The following INPP4A variants were observed in gnomAD, a reference collection of about 807,000 sequenced individuals.
INPP4A encodes inositol polyphosphate-4-phosphatase type I A, also known as inositol polyphosphate-4-phosphatase, type I, 107kD.
Under a neutral mutation model 119.8 loss-of-function variants are expected in INPP4A, and 33 were observed. The observed-to-expected ratio is 0.28, with a 90% confidence interval of 0.21 to 0.37. INPP4A has a LOEUF of 0.37. Among genes scored for constraint, INPP4A ranks in the 10% least tolerant of loss-of-function variants. The pLI is 1.00. For missense variants in INPP4A, 956 were observed against 1,289.9 expected, an observed-to-expected ratio of 0.74 and a Z score of 3.97; for synonymous variants, 496 against 500.7, an observed-to-expected ratio of 0.99 and a Z score of 0.12.
At chr2:98,534,744 G>A (rs1216124505) in intron 5 of INPP4A, among the ~76,000 whole-genome samples, 1 of 152,190 alleles carries the variant, frequency 6.6e-6, no homozygotes, top group Non-Finnish European at 1.5e-5. Flanking sequence ...GTGCAGGGGA[G>A]TCACCTGACC....
chr2:98,483,032 C>A (rs555440141), intron 1 of INPP4A, among the ~76,000 whole-genome samples: 2 of 152,320 alleles, frequency 1.3e-5, no homozygotes, highest in South Asian at 4.1e-4. Context: ...CTAACCACTT[C>A]TGGTGTCAAG....
chr2:98,476,539 G>A (rs997067157), intron 1 of INPP4A, among the ~76,000 whole-genome samples: 6 of 152,180 alleles, frequency 3.9e-5, no homozygotes, highest in African/African-American at 1.4e-4. Context: ...TCTCAGCTGG[G>A]GTGCTGGGAC....
rs112608558 is a variant in INPP4A at position 98,507,261 on chromosome 2, T to G, written c.-165-11703T>G. ...TAAAGGAATATAAACCCGAGTTCAT[T>G]TGTGTTGGGGTTTGCTTGTGTTAAT... On this transcript the variant is annotated intron_variant, in intron 1 of 24. Coordinates refer to ENST00000409851, the MANE Select transcript of INPP4A (RefSeq NM_001134225.2). Among the ~76,000 whole-genome samples the G allele has an allele frequency of 3.8e-3, 573 of 152,304 alleles. 7 individuals carry two copies. Among genetic ancestry groups the G allele is most frequent in the African/African-American group, 0.013 (554 of 41,560 alleles).
At chr2:98,497,981 C>T (rs1383434688) in intron 1 of INPP4A, among the ~76,000 whole-genome samples, 1 of 152,218 alleles carries the variant, frequency 6.6e-6, no homozygotes, top group African/African-American at 2.4e-5. Flanking sequence ...TTTGATTTTA[C>T]AGGCTCATAG....
At chr2:98,500,423 C>G (rs141878178) in intron 1 of INPP4A, among the ~76,000 whole-genome samples, 184 of 152,260 alleles carry the variant, frequency 1.2e-3, no homozygotes, top group African/African-American at 4.2e-3. Flanking sequence ...CATTGTCTCC[C>G]AAAGGGCATG....
At chr2:98,516,189 A>C (rs1172313945) in intron 1 of INPP4A, among the ~76,000 whole-genome samples, 1 of 152,232 alleles carries the variant, frequency 6.6e-6, no homozygotes, top group Non-Finnish European at 1.5e-5. Flanking sequence ...TAATGAGACC[A>C]AGAAGAGAAA....
At chr2:98,573,556 G>A (rs570597211) in intron 23 of INPP4A, among the ~76,000 whole-genome samples, 1 of 152,290 alleles carries the variant, frequency 6.6e-6, no homozygotes, top group South Asian at 2.1e-4. Flanking sequence ...TGAGGAGAGG[G>A]ATGGTGAGCC....
intron 1 of INPP4A, among the ~76,000 whole-genome samples, chr2:98,457,403 A>G (rs914041135): frequency 2.0e-5 from 3 of 152,020 alleles, no homozygotes; most frequent in South Asian, 2.1e-4. Context: ...TCAAACAAAC[A>G]AACAAAAACA....
At chr2:98,526,740 G>T (rs1040092567) in intron 4 of INPP4A, among the ~76,000 whole-genome samples, 1 of 152,214 alleles carries the variant, frequency 6.6e-6, no homozygotes, top group Non-Finnish European at 1.5e-5. Context: ...TCATGGTTCT[G>T]CAGGCTATAC....
intron 4 of INPP4A, among the ~76,000 whole-genome samples, chr2:98,532,244 C>T (rs1034400570): frequency 6.6e-6 from 1 of 152,040 alleles, no homozygotes; most frequent in Non-Finnish European, 1.5e-5. Context: ...GTCTTTTAAT[C>T]TCTCCTTTTT....
At chr2:98,575,628 C>A (rs1489607513) in intron 23 of INPP4A, among the ~76,000 whole-genome samples, 3 of 152,006 alleles carry the variant, frequency 2.0e-5, no homozygotes, top group Non-Finnish European at 4.4e-5. Context: ...TTTTGCCTTT[C>A]CCTAGACGAG....
In INPP4A at chr2:98,537,952, C is replaced by A; in HGVS notation, c.557C>A (p.Ser186Tyr). 6.2e-7 allele frequency: 1 copy of A among 1,610,682 alleles called. No homozygotes were observed. Among genetic ancestry groups the A allele is most frequent in the South Asian group, 1.1e-5 (1 of 90,334 alleles). Reference sequence around the variant, plus strand: ...GACCAACGGCCCCCTGTGACCCGGTCTGTGGACACTGTCAATGGGAGGGTG... The same window carrying A: ...GACCAACGGCCCCCTGTGACCCGGTATGTGGACACTGTCAATGGGAGGGTG... ...KSDQRPPVTR[S>Y]VDTVNGRMVL... The change falls in exon 8 of 25, where the codon TCT becomes TAT. Residue 186 changes from serine to tyrosine, a missense_variant. Transcript: ENST00000409851.
Position 98,592,657 on chromosome 2 carries a change from G to A in INPP4A, c.*5049G>A, listed in dbSNP as rs1361641097. 1 of 152,244 alleles carries A rather than the reference G, an allele frequency of 6.6e-6. No homozygotes were observed. Among genetic ancestry groups the A allele is most frequent in the African/African-American group, 2.4e-5 (1 of 41,460 alleles). The allele number at this position is 152,244 out of a possible 1,614,324, so 9.4% of individuals were successfully genotyped here. On this transcript the variant is annotated 3_prime_UTR_variant, in exon 25 of 25. Transcript: ENST00000409851. The stretch of plus-strand genomic sequence containing the variant: ...ATTCCTGTGAACACCAAGCAGCGCG[G>A]CCTCTGGCAGAGAGAGCGCTGGGTT...
At chr2:98,466,900 CT>C (rs1270386392) in intron 1 of INPP4A, among the ~76,000 whole-genome samples, 1 of 152,162 alleles carries the variant, frequency 6.6e-6, no homozygotes, top group Non-Finnish European at 1.5e-5. Context: ...GGGCCTTTTT[CT>C]TTTCCTCTTG....
intron 13 of INPP4A, among the ~76,000 whole-genome samples, chr2:98,548,529 T>C (rs1029956212): frequency 6.6e-6 from 1 of 152,208 alleles, no homozygotes; most frequent in Non-Finnish European, 1.5e-5. Context: ...GAAGGGGGCC[T>C]TCTGGGGGTC....
rs1157812552 is a variant in INPP4A at position 98,520,043 on chromosome 2, G to A, written c.-6G>A. ...GATCAAGAAGCACATCATCACCAATGACATCATGACAGCAAGAGAGCACAG... is the reference window on the plus strand; with the variant it reads ...GATCAAGAAGCACATCATCACCAATAACATCATGACAGCAAGAGAGCACAG... On this transcript the variant is annotated 5_prime_UTR_variant, in exon 3 of 25. The change abolishes an upstream ATG in the 5' untranslated region. Coordinates refer to ENST00000409851, the MANE Select transcript of INPP4A (RefSeq NM_001134225.2). The A allele has an allele frequency of 5.7e-6, 9 of 1,574,096 alleles. No homozygotes were observed. Among genetic ancestry groups the A allele is most frequent in the Non-Finnish European group, 7.8e-6 (9 of 1,157,748 alleles).
chr2:98,583,177 G>C (rs1699573481), intron 24 of INPP4A, among the ~76,000 whole-genome samples: 1 of 152,128 alleles, frequency 6.6e-6, no homozygotes, highest in Non-Finnish European at 1.5e-5. Flanking sequence ...GTCACCAAAG[G>C]CTGTTAAAGT....
intron 1 of INPP4A, among the ~76,000 whole-genome samples, chr2:98,460,858 C>T (rs1238909641): frequency 2.0e-5 from 3 of 152,196 alleles, no homozygotes; most frequent in Non-Finnish European, 4.4e-5. Context: ...GGAGAAGAAT[C>T]GTCTGCGCCC....
At chr2:98,543,851 C>G (rs754900242) in intron 10 of INPP4A, 26 bp from the exon 11 acceptor site, 1 of 1,612,668 alleles carries the variant, frequency 6.2e-7, no homozygotes, top group East Asian at 2.2e-5. Context: ...AGCCCACAGC[C>G]TGATGCATCT....
Sources: allele counts gnomAD v4.1 joint callset (sites outside exome capture counted in the v4.1 genomes callset), GRCh38; gene constraint gnomAD v4.1.1; transcripts MANE v1.5; gene names NCBI Gene and HGNC (gene_info 2026-07-23, HGNC 2026-07-21).